Variants in DOP1B observed in about 807,000 individuals in gnomAD.
DOP1B encodes protein DOP1B.
Under a neutral mutation model 233.5 loss-of-function variants are expected in DOP1B, and 174 were observed. The ratio of observed to expected loss-of-function variants is 0.75; its 90% CI spans 0.66 to 0.85. The LOEUF is 0.85. Among genes scored for constraint, DOP1B ranks in the 40% least tolerant of loss-of-function variants. The pLI is 0.00. For synonymous variants in DOP1B, 1,190 were observed against 1,185.6 expected, an observed-to-expected ratio of 1.00 and a Z score of -0.08; for missense variants, 2,652 against 2,846.6, an observed-to-expected ratio of 0.93 and a Z score of 1.56.
chr21:36,183,387 C>A (rs2066124049), intron 2 of DOP1B, among the ~76,000 whole-genome samples: 1 of 152,212 alleles, frequency 6.6e-6, no homozygotes, highest in Non-Finnish European at 1.5e-5. Context: ...TCATTTAAAC[C>A]TGTATGGCTT....
chr21:36,192,201 A>T (rs565384748), intron 2 of DOP1B, among the ~76,000 whole-genome samples: 3 of 152,092 alleles, frequency 2.0e-5, no homozygotes, highest in Non-Finnish European at 2.9e-5. Context: ...TCTACAAAAA[A>T]TATAGAAATC....
At chr21:36,192,846 C>G (rs1030651997) in intron 2 of DOP1B, among the ~76,000 whole-genome samples, 2 of 146,610 alleles carry the variant, frequency 1.4e-5, no homozygotes, top group African/African-American at 5.2e-5. Context: ...CGCCACCACG[C>G]CCGGCTAATT....
chr21:36,167,001 T>A (rs1286582931), intron 2 of DOP1B, among the ~76,000 whole-genome samples: 1 of 152,212 alleles, frequency 6.6e-6, no homozygotes, highest in Non-Finnish European at 1.5e-5. Flanking sequence ...CAGCTCTATC[T>A]CAGGAATTCT....
In DOP1B at chr21:36,199,228, G is replaced by A; in HGVS notation, c.297G>A (p.Leu99=). The part of the protein sequence containing the change: ...IIFKIVGTKW[L]AKDLFLYSCG... Reference sequence around the variant, plus strand: ...TTAAAATCGTGGGGACCAAATGGCTGGCCAAGGACTTGTTTCTGTACAGGT... The same window carrying A: ...TTAAAATCGTGGGGACCAAATGGCTAGCCAAGGACTTGTTTCTGTACAGGT... Residue 99 remains leucine, a synonymous_variant, in exon 3 of 37, where the codon CTG becomes CTA. Transcript: ENST00000691173. The A allele has an allele frequency of 6.2e-7, 1 of 1,613,920 alleles. No homozygotes were observed. Among genetic ancestry groups the A allele is most frequent in the Non-Finnish European group, 8.5e-7 (1 of 1,179,974 alleles).
At chr21:36,240,081 A>G (rs2066876044) in intron 18 of DOP1B, 126 bp downstream of exon 18, 1 of 1,151,068 alleles carries the variant, frequency 8.7e-7, no homozygotes, top group African/African-American at 1.6e-5. Context: ...TACTTTGTAA[A>G]TTGTGAGGAC....
intron 16 of DOP1B, among the ~76,000 whole-genome samples, chr21:36,237,852 GATCC>G (rs79760935): frequency 6.6e-6 from 1 of 152,084 alleles, no homozygotes; most frequent in East Asian, 1.9e-4. Flanking sequence ...AACATAGTGA[GATCC>G]ATCTCTACCA....
chr21:36,268,871 T>C (rs2067257374), intron 26 of DOP1B, among the ~76,000 whole-genome samples: 1 of 152,054 alleles, frequency 6.6e-6, no homozygotes, highest in African/African-American at 2.4e-5. Context: ...GGTTTCACCA[T>C]GTTGGCCATC....
intron 15 of DOP1B, among the ~76,000 whole-genome samples, chr21:36,236,777 C>CTTTT (rs35374710): frequency 5.9e-5 from 7 of 118,568 alleles, no homozygotes; most frequent in Admixed American, 9.7e-5. Flanking sequence ...TTTTCTTTTT[C>CTTTT]TTTTTTTTTT....
intron 2 of DOP1B, among the ~76,000 whole-genome samples, chr21:36,195,055 A>G (rs561640482): frequency 1.3e-5 from 2 of 151,532 alleles, no homozygotes; most frequent in Non-Finnish European, 2.9e-5. Flanking sequence ...AAAAATACCA[A>G]AGATGCTGGG....
At chr21:36,258,603 CA>C (rs1216149282) in intron 23 of DOP1B, among the ~76,000 whole-genome samples, 1 of 152,172 alleles carries the variant, frequency 6.6e-6, no homozygotes, top group Non-Finnish European at 1.5e-5. Flanking sequence ...TAGAAATGTC[CA>C]GGCCCCGAGG....
rs909551330 is a variant in DOP1B, at chr21:36,264,489, G to A, written c.5487+675G>A. On this transcript the variant is annotated intron_variant, in intron 26 of 36. Coordinates refer to ENST00000691173, the MANE Select transcript of DOP1B (RefSeq NM_001320714.2). ...TCTTTTTTTTTTTTTTGGGCCAGGG[G>A]GTTGGACAGAATCTCACTCCATCAC... Among the ~76,000 whole-genome samples the A allele has an allele frequency of 4.6e-5, 7 of 151,282 alleles. No individual in the cohort carries two copies. In the South Asian group the frequency reaches 1.0e-3, roughly 23 times the overall value.
intron 4 of DOP1B, among the ~76,000 whole-genome samples, chr21:36,207,875 G>A (rs894221960): frequency 6.6e-6 from 1 of 152,188 alleles, no homozygotes; most frequent in African/African-American, 2.4e-5. Context: ...TGCAGATTGT[G>A]TGCACTGAGG....
chr21:36,158,946 G>A (rs2123376968), intron 1 of DOP1B, among the ~76,000 whole-genome samples: 1 of 151,578 alleles, frequency 6.6e-6, no homozygotes, highest in Admixed American at 6.6e-5. Context: ...TGGCCAACAT[G>A]GTGAAACTCT....
intron 15 of DOP1B, among the ~76,000 whole-genome samples, chr21:36,235,412 G>A (rs922971134): frequency 6.6e-6 from 1 of 152,058 alleles, no homozygotes; most frequent in African/African-American, 2.4e-5. Flanking sequence ...CAGAGGAGTA[G>A]AGTAAGGTTT....
chr21:36,262,653 C>T (rs1045002930), intron 24 of DOP1B, among the ~76,000 whole-genome samples: 4 of 151,862 alleles, frequency 2.6e-5, no homozygotes, highest in African/African-American at 4.8e-5. Context: ...TTTGGGTGAC[C>T]GAGGCAAGTG....
rs761015908 is a variant in DOP1B, at chr21:36,245,432, G to C, written c.3452G>C (p.Gly1151Ala). 9 of 1,614,002 alleles carry C rather than the reference G, an allele frequency of 5.6e-6. No homozygotes were observed. The highest frequency in any genetic ancestry group is 2.2e-5 in the South Asian group (2 of 91,086). ...EENCCAPIPM[G>A]GRAYPKRSAL... is the part of the protein sequence containing the mutation. ...AACTGCTGTGCACCCATCCCCATGG[G>C]GGGCAGGGCGTACCCCAAGCGCTCG... The change falls in exon 19 of 37, where the codon GGG becomes GCG. Residue 1151 changes from glycine to alanine, a missense_variant. Gly to Ala is a moderately conservative substitution (Grantham distance 60). This residue lies in a region of DOP1B where 2,617 missense variants were observed against 2,794.3 expected (regional missense o/e 0.94). Coordinates refer to ENST00000691173, the MANE Select transcript of DOP1B (RefSeq NM_001320714.2). The surrounding 1 kb of genome is among the most constrained non-coding windows in gnomAD (Gnocchi z 5.5).
intron 2 of DOP1B, among the ~76,000 whole-genome samples, chr21:36,184,774 C>T (rs1041104613): frequency 6.6e-6 from 1 of 152,182 alleles, no homozygotes; most frequent in Non-Finnish European, 1.5e-5. Context: ...GGAGGCTCTG[C>T]GGGCTGCGGG....
intron 2 of DOP1B, among the ~76,000 whole-genome samples, chr21:36,183,569 G>C (rs944016573): frequency 1.3e-5 from 2 of 152,228 alleles, no homozygotes; most frequent in African/African-American, 4.8e-5. Context: ...TGCAGCTGTT[G>C]GAGTGGTTTC....
At chr21:36,255,652 G>C (rs2067087306) in intron 23 of DOP1B, among the ~76,000 whole-genome samples, 2 of 150,224 alleles carry the variant, frequency 1.3e-5, no homozygotes, top group South Asian at 4.2e-4. Flanking sequence ...GGCTGGTCTG[G>C]AACTCCTAGG....
Sources: gnomAD v4.1 joint callset for allele counts (sites outside exome capture counted in the v4.1 genomes callset) on GRCh38, gnomAD v4.1.1 for gene constraint, gnomAD v4.1.1 regional missense constraint, Gnocchi (gnomAD v3.1) non-coding constraint, MANE v1.5 for transcripts, NCBI Gene and HGNC (gene_info 2026-07-23, HGNC 2026-07-21) for gene names.